The following GALNT15 variants were observed in gnomAD, a reference collection of about 807,000 sequenced individuals.
The protein encoded by GALNT15 is polypeptide N-acetylgalactosaminyltransferase 15.
GALNT15 carries 67 observed loss-of-function variants against 66.8 expected under a neutral mutation model. That is an observed-to-expected ratio of 1.00 (90% CI 0.82 to 1.23). The LOEUF (loss-of-function observed/expected upper bound fraction) is 1.23, where lower values mean the gene tolerates loss of function less well. Among genes scored for constraint, GALNT15 ranks in the 50% most tolerant of loss-of-function variants. GALNT15 has a pLI of 0.00. For missense variants in GALNT15, 827 were observed against 804.3 expected, an observed-to-expected ratio of 1.03 and a Z score of -0.34; for synonymous variants, 313 against 311.5, an observed-to-expected ratio of 1.00 and a Z score of -0.05.
In GALNT15 at chr3:16,203,543, TCACACACACACA is replaced by T. The variant is rs1164976010; in HGVS notation, c.911+2755_911+2766del. Among the ~76,000 whole-genome samples the T allele has an allele frequency of 2.8e-4, 17 of 61,164 alleles. No individual in the cohort carries two copies. The highest frequency in any genetic ancestry group is 4.9e-4 in the African/African-American group (9 of 18,316). 40.1% of individuals were successfully genotyped at this position (61,164 alleles called of 152,430 possible). A position where few individuals can be genotyped will look rare whatever the true frequency, so the allele number is the denominator to read the frequency against. ...CATTCTCTCTCTCTCTCTCTCTCTC[TCACACACACACA>T]CACACACACACACACACACACACAC... On this transcript the variant is annotated intron_variant, in intron 3 of 9. Transcript: ENST00000339732. The surrounding 1 kb of genome is among the most constrained non-coding windows in gnomAD (Gnocchi z 6.2).
At chr3:16,233,897 C>T (rs2064107967), downstream of GALNT15, among the ~76,000 whole-genome samples, 1 of 152,140 alleles carries the variant, frequency 6.6e-6, no homozygotes, top group Admixed American at 6.5e-5. Context: ...AACAGGGATA[C>T]TGAGAGTGCT....
intron 8 of GALNT15, among the ~76,000 whole-genome samples, chr3:16,222,303 C>T (rs559915445): frequency 6.6e-6 from 1 of 152,248 alleles, no homozygotes; most frequent in South Asian, 2.1e-4. Flanking sequence ...TCTGTGCTTT[C>T]AACAGTATAG....
At chr3:16,185,785 AG>A (rs2063511018) in intron 1 of GALNT15, among the ~76,000 whole-genome samples, 1 of 127,842 alleles carries the variant, frequency 7.8e-6, no homozygotes, top group Non-Finnish European at 1.7e-5. Flanking sequence ...ATAGATAGAT[AG>A]ATAGATGATA....
intron 5 of GALNT15, 54 bp from the exon 6 acceptor site, chr3:16,212,515 C>A: frequency 6.5e-7 from 1 of 1,537,882 alleles, no homozygotes; most frequent in Non-Finnish European, 8.8e-7. Context: ...TCCCTATTTC[C>A]CGCCGTTCTT....
chr3:16,221,250 C>A (rs1260080027), intron 8 of GALNT15, among the ~76,000 whole-genome samples: 1 of 101,200 alleles, frequency 9.9e-6, no homozygotes, highest in Non-Finnish European at 1.9e-5. Context: ...TTAGCTCTTT[C>A]TTGTTCTTTT....
At chr3:16,205,384 C>G (rs2063746280) in intron 3 of GALNT15, among the ~76,000 whole-genome samples, 2 of 152,210 alleles carry the variant, frequency 1.3e-5, no homozygotes, top group Non-Finnish European at 2.9e-5. Flanking sequence ...TCTTGAATAT[C>G]TGGACAGTAA....
chr3:16,200,734 C>T lies in GALNT15; in HGVS notation c.822C>T (p.Ala274=). ...IRARMLGATR[A]TGDVLVFMDA... is the part of the protein sequence containing the mutation. The stretch of plus-strand genomic sequence containing the variant: ...CCCGGATGCTGGGGGCCACCAGAGC[C>T]ACCGGGGATGTGCTCGTCTTCATGG... The change falls in exon 3 of 10, where the codon GCC becomes GCT. Residue 274 remains alanine, a synonymous_variant. Transcript: ENST00000339732. The surrounding 1 kb of genome is among the most constrained non-coding windows in gnomAD (Gnocchi z 4.4). 6.2e-7 allele frequency: 1 copy of T among 1,612,944 alleles called. No homozygotes were observed. Among genetic ancestry groups the T allele is most frequent in the Non-Finnish European group, 8.5e-7 (1 of 1,179,548 alleles).
At position 16,211,229 on chromosome 3, in the gene GALNT15, A is replaced by G. The variant is rs1203839850; in HGVS notation, c.1185A>G (p.Glu395=). ...LMSLRGGENL[E]LSFKAWLCGG... ...CGCTGCGAGGTGGTGAAAACCTCGAACTGTCTTTCAAGGTATGTCCTGGAC... is the reference window on the plus strand; with the variant it reads ...CGCTGCGAGGTGGTGAAAACCTCGAGCTGTCTTTCAAGGTATGTCCTGGAC... Residue 395 remains glutamate (E), a synonymous_variant, in exon 5 of 10, where the codon GAA becomes GAG. Transcript: ENST00000339732. This position sits in a 1 kb window ranked among gnomAD's most constrained non-coding sequence, Gnocchi z 4.3. 6.2e-7 allele frequency: 1 copy of G among 1,610,152 alleles called. No individual in the cohort carries two copies.
chr3:16,234,197 C>A (rs1307263700), downstream of GALNT15, among the ~76,000 whole-genome samples: 9 of 152,242 alleles, frequency 5.9e-5, no homozygotes, highest in Non-Finnish European at 1.2e-4. Flanking sequence ...TATCCTCTAA[C>A]ACCAGAGGCT....
At chr3:16,199,350 G>A (rs371355762) in intron 2 of GALNT15, among the ~76,000 whole-genome samples, 2 of 141,258 alleles carry the variant, frequency 1.4e-5, no homozygotes, top group South Asian at 2.3e-4. Flanking sequence ...CTTCCTAACC[G>A]TCTGGACTCT....
chr3:16,224,931 C>A lies in GALNT15; in HGVS notation c.1773+2173C>A, dbSNP rs2063989819. ...GGATTACAAGTGTGAGCCACCACACCAGGCCTATTAGGCCATTCTTGCATT... is the reference window on the plus strand; with the variant it reads ...GGATTACAAGTGTGAGCCACCACACAAGGCCTATTAGGCCATTCTTGCATT... On this transcript the variant is annotated intron_variant, in intron 9 of 9. Transcript: ENST00000339732. This position sits in a 1 kb window ranked among gnomAD's most constrained non-coding sequence, Gnocchi z 5.2. 6.6e-6 allele frequency among the ~76,000 whole-genome samples: 1 copy of A among 152,174 alleles called. No homozygotes were observed.
At chr3:16,217,379 TC>T (rs2063890502) in intron 6 of GALNT15, among the ~76,000 whole-genome samples, 1 of 152,240 alleles carries the variant, frequency 6.6e-6, no homozygotes, top group African/African-American at 2.4e-5. Context: ...TTTATTTCTC[TC>T]TCTGTTGAGC....
intron 1 of GALNT15, among the ~76,000 whole-genome samples, chr3:16,178,447 C>T (rs915549226): frequency 1.3e-5 from 2 of 152,330 alleles, no homozygotes; most frequent in African/African-American, 2.4e-5. Context: ...CGATTGGATT[C>T]TCCAATCCCC....
downstream of GALNT15, among the ~76,000 whole-genome samples, chr3:16,236,679 G>A (rs1442513463): frequency 6.6e-6 from 1 of 152,204 alleles, no homozygotes; most frequent in Non-Finnish European, 1.5e-5. Flanking sequence ...GGGAAACAGT[G>A]TATAGCATAT....
At chr3:16,207,990 A>G (rs2063775382) in intron 3 of GALNT15, among the ~76,000 whole-genome samples, 1 of 152,184 alleles carries the variant, frequency 6.6e-6, no homozygotes, top group African/African-American at 2.4e-5. Flanking sequence ...TACATAGTTC[A>G]TTAGTAGCAG....
Position 16,229,256 on chromosome 3 carries a change from T to G in GALNT15, c.*1756T>G. Reference sequence around the variant, plus strand: ...TCACTGCATTTCTCCTTCCTCAGAATACACTCTGGACCTGTGCTGTCTAAT... The same window carrying G: ...TCACTGCATTTCTCCTTCCTCAGAAGACACTCTGGACCTGTGCTGTCTAAT... On this transcript the variant is annotated 3_prime_UTR_variant, in exon 10 of 10. Coordinates refer to ENST00000339732, the MANE Select transcript of GALNT15 (RefSeq NM_054110.5). The G allele has an allele frequency of 1.0e-6, 1 of 984,870 alleles. No homozygotes were observed. The highest frequency in any genetic ancestry group is 1.2e-6 in the Non-Finnish European group (1 of 829,424). 61.0% of individuals were successfully genotyped at this position (984,870 alleles called of 1,614,324 possible).
At chr3:16,215,754 A>G (rs1016713681) in intron 6 of GALNT15, among the ~76,000 whole-genome samples, 2 of 152,058 alleles carry the variant, frequency 1.3e-5, no homozygotes, top group Non-Finnish European at 2.9e-5. Context: ...CACTAAAAAT[A>G]CAGAAATTAG....
At position 16,195,318 on chromosome 3, in the gene GALNT15, A is replaced by G. The variant is rs1264818108; in HGVS notation, c.540-442A>G. 6.6e-6 allele frequency among the ~76,000 whole-genome samples: 1 copy of G among 152,242 alleles called. No individual in the cohort carries two copies. The highest frequency in any genetic ancestry group is 1.5e-5 in the Non-Finnish European group (1 of 68,048). On this transcript the variant is annotated intron_variant, in intron 1 of 9. Coordinates refer to ENST00000339732, the MANE Select transcript of GALNT15 (RefSeq NM_054110.5). The surrounding 1 kb of genome is among the most constrained non-coding windows in gnomAD (Gnocchi z 4.6). ...CATCGGCATCACCTGGGAGCTTGTT[A>G]GAAATGCAAATTCTTCAGCCCCACT...
Position 16,184,583 on chromosome 3 carries a change from G to A in GALNT15, c.539+8893G>A, listed in dbSNP as rs80011412. On this transcript the variant is annotated intron_variant, in intron 1 of 9. Transcript: ENST00000339732. The surrounding 1 kb of genome is among the most constrained non-coding windows in gnomAD (Gnocchi z 5.0). ...ACATCCAGAACGTCTCACTACAGCT[G>A]CTGAATAATGATTTGGTTATGTTTA... 6.0e-3 allele frequency among the ~76,000 whole-genome samples: 908 copies of A among 152,306 alleles called. 4 individuals carry two copies. The highest frequency in any genetic ancestry group is 0.01 in the Non-Finnish European group (690 of 68,016).
Sources: gnomAD v4.1 joint callset for allele counts (sites outside exome capture counted in the v4.1 genomes callset) on GRCh38, gnomAD v4.1.1 for gene constraint, Gnocchi (gnomAD v3.1) non-coding constraint, MANE v1.5 for transcripts, NCBI Gene and HGNC (gene_info 2026-07-23, HGNC 2026-07-21) for gene names.